The following DOCK8 variants were observed in gnomAD, a reference collection of about 807,000 sequenced individuals.
The protein encoded by DOCK8 is dedicator of cytokinesis protein 8.
Under a neutral mutation model 245.6 loss-of-function variants are expected in DOCK8, and 141 were observed. That is an observed-to-expected ratio of 0.57 (90% confidence interval 0.50 to 0.66). The LOEUF (loss-of-function observed/expected upper bound fraction) is 0.66. Among genes scored for constraint, DOCK8 ranks in the 30% least tolerant of loss-of-function variants. DOCK8 has a pLI of 0.00. For synonymous variants in DOCK8, 1,168 were observed against 970.2 expected (o/e 1.20, Z -3.79); for missense variants, 2,965 against 2,603.4 (o/e 1.14, Z -3.02).
At chr9:354,468 TGTTA>T (rs1220532119) in intron 14 of DOCK8, among the ~76,000 whole-genome samples, 2 of 152,072 alleles carry the variant, frequency 1.3e-5, no homozygotes, top group South Asian at 2.1e-4. Flanking sequence ...TACATACTTG[TGTTA>T]GTTATCTATT....
At chr9:434,732 T>G (rs1187159693) in intron 38 of DOCK8, 51 bp from the exon 39 acceptor site, 2 of 1,584,438 alleles carry the variant, frequency 1.3e-6, no homozygotes, top group East Asian at 4.5e-5. Context: ...AGAAGAACAG[T>G]GTCATTAACC....
intron 3 of DOCK8, among the ~76,000 whole-genome samples, chr9:288,848 G>A (rs1035105312): frequency 1.3e-5 from 2 of 152,234 alleles, no homozygotes; most frequent in African/African-American, 4.8e-5. Flanking sequence ...CCTTATCACA[G>A]ATGAGAAAAT....
chr9:234,624 C>G (rs2047203524), intron 1 of DOCK8, among the ~76,000 whole-genome samples: 1 of 152,192 alleles, frequency 6.6e-6, no homozygotes, highest in Non-Finnish European at 1.5e-5. Flanking sequence ...GTAAACTTCT[C>G]TTCTCACTTC....
intron 14 of DOCK8, among the ~76,000 whole-genome samples, chr9:341,752 C>G (rs1257016371): frequency 3.9e-5 from 6 of 152,190 alleles, no homozygotes. Context: ...GGTCCTTGGC[C>G]TGTTAGGAAC....
chr9:389,693 CTG>C (rs762223792), intron 23 of DOCK8, among the ~76,000 whole-genome samples: 2 of 152,090 alleles, frequency 1.3e-5, no homozygotes, highest in African/African-American at 2.4e-5. Flanking sequence ...GCCCCCCAGT[CTG>C]TGTTTCATCA....
chr9:442,449 C>A (rs1463010914), intron 42 of DOCK8, among the ~76,000 whole-genome samples: 8 of 152,146 alleles, frequency 5.3e-5, no homozygotes, highest in Non-Finnish European at 1.2e-4. Flanking sequence ...TGAGGCCATC[C>A]TTTAGGTATC....
intron 30 of DOCK8, among the ~76,000 whole-genome samples, chr9:418,768 A>G (rs1461511390): frequency 6.6e-6 from 1 of 152,218 alleles, no homozygotes; most frequent in Non-Finnish European, 1.5e-5. Context: ...AAACCGGAAA[A>G]GAGGAAAACT....
intron 30 of DOCK8, among the ~76,000 whole-genome samples, 156 bp downstream of exon 30, chr9:418,363 C>T (rs2056126567): frequency 6.6e-6 from 1 of 152,198 alleles, no homozygotes; most frequent in African/African-American, 2.4e-5. Flanking sequence ...CCTCCGCCTC[C>T]CGGGTTCTTC....
At chr9:461,039 G>A (rs2057786811) in intron 46 of DOCK8, among the ~76,000 whole-genome samples, 1 of 152,324 alleles carries the variant, frequency 6.6e-6, no homozygotes, top group South Asian at 2.1e-4. Flanking sequence ...GGGTAGAAGA[G>A]TACAAAACAA....
At chr9:288,111 G>GT (rs2048898288) in intron 3 of DOCK8, among the ~76,000 whole-genome samples, 1 of 151,734 alleles carries the variant, frequency 6.6e-6, no homozygotes, top group Non-Finnish European at 1.5e-5. Context: ...CTTAGCATCA[G>GT]TTTTTTAGTA....
At chr9:366,753 G>A (rs1190306896) in intron 14 of DOCK8, among the ~76,000 whole-genome samples, 2 of 150,870 alleles carry the variant, frequency 1.3e-5, no homozygotes, top group Non-Finnish European at 2.9e-5. Context: ...GCACATTTTT[G>A]CTCAACGCCC....
chr9:296,556 ATC>A (rs1184395047), intron 4 of DOCK8, among the ~76,000 whole-genome samples: 7 of 152,196 alleles, frequency 4.6e-5, no homozygotes, highest in African/African-American at 1.7e-4. Context: ...ATGGGGTATC[ATC>A]TGTTTTATTA....
chr9:271,800 C>G (rs1411436608), intron 2 of DOCK8, 71 bp downstream of exon 2: 19 of 1,047,608 alleles, frequency 1.8e-5, no homozygotes, highest in Non-Finnish European at 2.7e-5. Flanking sequence ...TGTTTGCCTC[C>G]TGTTCCTTAG....
intron 1 of DOCK8, among the ~76,000 whole-genome samples, chr9:219,241 G>A (rs2046831475): frequency 6.6e-6 from 1 of 152,092 alleles, no homozygotes; most frequent in African/African-American, 2.4e-5. Flanking sequence ...AGGCCAAGGC[G>A]GGACGATCAC....
Position 400,934 on chromosome 9 carries a change from TCCACCACCACCATCACCA to T in DOCK8, c.3234+1688_3234+1705del, listed in dbSNP as rs1193599931. Among the ~76,000 whole-genome samples, 34 of 20,530 alleles carry T rather than the reference TCCACCACCACCATCACCA, an allele frequency of 1.7e-3. 2 individuals carry two copies. Among genetic ancestry groups the T allele is most frequent in the East Asian group, 0.015 (9 of 606 alleles). 13.5% of individuals were successfully genotyped at this position (20,530 alleles called of 152,430 possible). The stretch of plus-strand genomic sequence containing the variant: ...CAGCTCCTTCACCATCACCACAACA[TCCACCACCACCATCACCA>T]CCACCACCACCACCTCCTCCACCAT... On this transcript the variant is annotated intron_variant, in intron 26 of 47. Coordinates refer to ENST00000432829, the MANE Select transcript of DOCK8 (RefSeq NM_203447.4).
At chr9:234,061 T>C (rs1184511081) in intron 1 of DOCK8, among the ~76,000 whole-genome samples, 1 of 152,192 alleles carries the variant, frequency 6.6e-6, no homozygotes, top group African/African-American at 2.4e-5. Flanking sequence ...TGTTTGGTGC[T>C]TCCTTCAGGA....
At chr9:323,260 A>C (rs1253839367) in intron 7 of DOCK8, among the ~76,000 whole-genome samples, 2 of 106,534 alleles carry the variant, frequency 1.9e-5, no homozygotes, top group Non-Finnish European at 3.4e-5. Flanking sequence ...GTCTCACTCT[A>C]TTGTCCAGGC....
intron 1 of DOCK8, among the ~76,000 whole-genome samples, chr9:270,224 G>T (rs471897): frequency 0.32 from 48,377 of 151,940 alleles, 7,865 homozygotes; most frequent in East Asian, 0.4. Context: ...CAAAATGTAT[G>T]CTTGCAGCTA....
chr9:300,676 G>A (rs2049502090), intron 4 of DOCK8, among the ~76,000 whole-genome samples: 1 of 152,010 alleles, frequency 6.6e-6, no homozygotes, highest in Non-Finnish European at 1.5e-5. Flanking sequence ...TACAACTGAT[G>A]CCTCAGAAAT....
Sources: allele counts gnomAD v4.1 joint callset (sites outside exome capture counted in the v4.1 genomes callset), GRCh38; gene constraint gnomAD v4.1.1; transcripts MANE v1.5; gene names NCBI Gene and HGNC (gene_info 2026-07-23, HGNC 2026-07-21).